MAT2B: variants seen among roughly 807,000 people sequenced by gnomAD.
The protein encoded by MAT2B is methionine adenosyltransferase 2 non-catalytic beta subunit.
Under a neutral mutation model 36.1 loss-of-function variants are expected in MAT2B, and 16 were observed. That is an observed-to-expected ratio of 0.44 (90% CI 0.30 to 0.67). The LOEUF (loss-of-function observed/expected upper bound fraction) is 0.67, where lower values mean the gene tolerates loss of function less well. MAT2B is among the 30% of genes least tolerant of loss of function. The probability of loss-of-function intolerance (pLI) is 0.09; values close to 1 mark genes in which losing one functional copy is unlikely to be tolerated. For synonymous variants in MAT2B, 148 were observed against 136.9 expected (o/e 1.08, Z -0.57); for missense variants, 332 against 398.2 (o/e 0.83, Z 1.42).
chr5:163,511,277 T>TG (rs1452366139), intron 1 of MAT2B, among the ~76,000 whole-genome samples: 4 of 151,414 alleles, frequency 2.6e-5, no homozygotes, highest in South Asian at 2.1e-4. Context: ...TAAAAAAATT[T>TG]TTTTTTTGAA....
intron 1 of MAT2B, among the ~76,000 whole-genome samples, chr5:163,511,631 T>C (rs762214891): frequency 7.2e-5 from 11 of 151,974 alleles, no homozygotes; most frequent in Non-Finnish European, 1.5e-4. Flanking sequence ...TGATTAATCA[T>C]TGTTCTAACT....
rs920922182 is a variant in MAT2B at position 163,513,575 on chromosome 5, T to C, written c.279T>C (p.Cys93=). The C allele has an allele frequency of 6.2e-7, 1 of 1,610,036 alleles. No homozygotes were observed. Among genetic ancestry groups the C allele is most frequent in the African/African-American group, 1.3e-5 (1 of 74,824 alleles). ...HDFQPHVIVH[C]AAERRPDVVE... Reference sequence around the variant, plus strand: ...TCTAGCCCCATGTTATAGTACATTGTGCAGCAGAGAGAAGACCAGATGTTG... The same window carrying C: ...TCTAGCCCCATGTTATAGTACATTGCGCAGCAGAGAGAAGACCAGATGTTG... Residue 93 remains cysteine, a synonymous_variant, in exon 3 of 7, where the codon TGT becomes TGC. Coordinates refer to ENST00000321757, the MANE Select transcript of MAT2B (RefSeq NM_013283.5).
At chr5:163,503,209 A>G (rs1480966194), upstream of MAT2B, 6 of 579,178 alleles carry the variant, frequency 1.0e-5, no homozygotes, top group Non-Finnish European at 1.9e-5. Flanking sequence ...GCTTACTGCC[A>G]TGTGGAGAAC....
upstream of MAT2B, chr5:163,503,066 GTTT>G: frequency 3.5e-6 from 1 of 286,558 alleles, no homozygotes; most frequent in Non-Finnish European, 6.5e-6. Flanking sequence ...AAGTTGTTGG[GTTT>G]TTGTTTTTGT....
At chr5:163,503,356 C>G (rs202024158), upstream of MAT2B, 1 of 1,605,664 alleles carries the variant, frequency 6.2e-7, no homozygotes, top group East Asian at 2.2e-5. Context: ...GAGGCTAAGA[C>G]CCATCCCGTA....
chr5:163,504,813 C>G (rs1023099423), upstream of MAT2B, among the ~76,000 whole-genome samples: 1 of 152,166 alleles, frequency 6.6e-6, no homozygotes, highest in Non-Finnish European at 1.5e-5. Context: ...CACGCTGCTG[C>G]TTAAATTCTC....
Position 163,517,649 on chromosome 5 carries a change from A to T in MAT2B, c.809A>T (p.Asn270Ile), listed in dbSNP as rs773963494. The T allele has an allele frequency of 6.2e-7, 1 of 1,613,110 alleles. No individual in the cohort carries two copies. Among genetic ancestry groups the T allele is most frequent in the Non-Finnish European group, 8.5e-7 (1 of 1,179,210 alleles). Reference sequence around the variant, plus strand: ...GCATGTGCAATTGCAGATGCCTTCAACCTCCCCAGCAGTCACTTAAGACCT... The same window carrying T: ...GCATGTGCAATTGCAGATGCCTTCATCCTCCCCAGCAGTCACTTAAGACCT... ...EMACAIADAF[N>I]LPSSHLRPIT... The change falls in exon 6 of 7, where the codon AAC becomes ATC. Residue 270 changes from asparagine to isoleucine, a missense_variant. Coordinates refer to ENST00000321757, the MANE Select transcript of MAT2B (RefSeq NM_013283.5).
At chr5:163,505,774 C>T (rs1392534711) in intron 1 of MAT2B, 25 bp downstream of exon 1, 2 of 1,259,386 alleles carry the variant, frequency 1.6e-6, no homozygotes, top group Middle Eastern at 2.4e-4. Context: ...CTGGGCGTCT[C>T]CGGTGGGAGC....
In MAT2B at chr5:163,509,989, T is replaced by C. The variant is rs142785934; in HGVS notation, c.64-2013T>C. On this transcript the variant is annotated intron_variant, in intron 1 of 6. Transcript: ENST00000321757. ...TAGTCTTTTCATTTTACGTTTTTGA[T>C]TGCTAGAAATACTTGATTTTGGTGT... is the stretch of plus-strand genomic sequence containing the variant. 9.2e-3 allele frequency among the ~76,000 whole-genome samples: 1,409 copies of C among 152,330 alleles called. 25 individuals carry two copies. The highest frequency in any genetic ancestry group is 0.032 in the African/African-American group (1,344 of 41,576).
Position 163,512,161 on chromosome 5 carries a change from T to C in MAT2B, c.223T>C (p.Ser75Pro), listed in dbSNP as rs1376387604. ...ATTTGAACAGGTTAATCTGTTGGAT[T>C]CTAATGCAGTTCATCACATCATTCA... ...PKFEQVNLLDSNAVHHIIHDF... is the reference protein window; with the variant it reads ...PKFEQVNLLDPNAVHHIIHDF... The change falls in exon 2 of 7, where the codon TCT becomes CCT. Residue 75 changes from serine to proline, a missense_variant. Physicochemically the swap from Ser to Pro is moderately conservative, Grantham distance 74. Transcript: ENST00000321757. 1 of 1,614,112 alleles carries C rather than the reference T, an allele frequency of 6.2e-7. No individual in the cohort carries two copies. Among genetic ancestry groups the C allele is most frequent in the East Asian group, 2.2e-5 (1 of 44,890 alleles).
At chr5:163,512,461 T>G (rs1240944101) in intron 2 of MAT2B, 8 of 491,342 alleles carry the variant, frequency 1.6e-5, no homozygotes, top group Non-Finnish European at 2.9e-5. Context: ...TCTCTGCAAA[T>G]GGTTTTCAAA....
At chr5:163,516,478 A>G in intron 4 of MAT2B, 40 bp from the exon 5 acceptor site, 1 of 1,533,070 alleles carries the variant, frequency 6.5e-7, no homozygotes, top group Non-Finnish European at 9.0e-7. Flanking sequence ...AAATTTAAGA[A>G]TCAGTCAGCT....
chr5:163,515,025 C>G (rs974726135), intron 4 of MAT2B, among the ~76,000 whole-genome samples: 2 of 152,104 alleles, frequency 1.3e-5, no homozygotes, highest in Non-Finnish European at 2.9e-5. Flanking sequence ...GGCAGAAGAG[C>G]AGAAAGGGAT....
chr5:163,517,752 C>A, intron 6 of MAT2B, 78 bp downstream of exon 6: 1 of 834,224 alleles, frequency 1.2e-6, no homozygotes, highest in Non-Finnish European at 2.0e-6. Context: ...CTTCATTTCT[C>A]AGTACTAATC....
intron 2 of MAT2B, 107 bp downstream of exon 2, chr5:163,512,303 A>C: frequency 9.7e-7 from 1 of 1,029,142 alleles, no homozygotes; most frequent in African/African-American, 1.6e-5. Context: ...TGAAAGCTCT[A>C]AAGTTGTATT....
At chr5:163,515,041 T>G (rs1581215048) in intron 4 of MAT2B, among the ~76,000 whole-genome samples, 1 of 152,152 alleles carries the variant, frequency 6.6e-6, no homozygotes, top group South Asian at 2.1e-4. Context: ...GGGATGTGCT[T>G]CTTCCTTCAA....
At chr5:163,506,967 T>G (rs177249) in intron 1 of MAT2B, among the ~76,000 whole-genome samples, 150,256 of 152,328 alleles carry the variant, frequency 0.99, 74,110 homozygotes, top group East Asian at 1. Flanking sequence ...TAGAGAAGCA[T>G]CCTGGAGTGG....
chr5:163,518,154 A>C (rs1760160746), intron 6 of MAT2B, 39 bp from the exon 7 acceptor site: 5 of 1,488,388 alleles, frequency 3.4e-6, no homozygotes, highest in Non-Finnish European at 4.6e-6. Context: ...ATAGCCTTTC[A>C]CTTACTTTTG....
intron 1 of MAT2B, among the ~76,000 whole-genome samples, chr5:163,509,168 T>A (rs920133482): frequency 1.3e-4 from 20 of 151,580 alleles, no homozygotes; most frequent in African/African-American, 2.7e-4. Context: ...AGATTTTTTT[T>A]AAATTCATTT....
Sources: allele counts gnomAD v4.1 joint callset (sites outside exome capture counted in the v4.1 genomes callset), GRCh38; gene constraint gnomAD v4.1.1; transcripts MANE v1.5; gene names NCBI Gene and HGNC (gene_info 2026-07-23, HGNC 2026-07-21).